Variants in DHODH observed in about 807,000 individuals in gnomAD.
DHODH encodes dihydroorotate dehydrogenase (quinone).
In DHODH, 30 loss-of-function variants were observed where a neutral mutation model predicts 39.7. The observed-to-expected ratio is 0.76, with a 90% CI of 0.57 to 1.02. DHODH has a LOEUF of 1.02. DHODH is among the 50% of genes least tolerant of loss of function. The probability of loss-of-function intolerance (pLI) is 0.00; values close to 1 mark genes in which losing one functional copy is unlikely to be tolerated. For missense variants in DHODH, 531 were observed against 520.8 expected (o/e 1.02, Z -0.19); for synonymous variants, 222 against 213.8 (o/e 1.04, Z -0.34).
Position 72,012,120 on chromosome 16 carries a change from C to T in DHODH, c.92C>T (p.Thr31Met), listed in dbSNP as rs755971761. ...GLLFASYLMATGDERFYAEHL... is the reference protein window; with the variant it reads ...GLLFASYLMAMGDERFYAEHL... ...CTCTTCGCCTCCTACCTGATGGCCA[C>T]GGGAGATGAGCGTTTCTATGCTGAA... Residue 31 changes from threonine to methionine, a missense_variant, in exon 2 of 9, where the codon ACG (threonine) becomes ATG (methionine). Coordinates refer to ENST00000219240, the MANE Select transcript of DHODH (RefSeq NM_001361.5). 1.4e-5 allele frequency: 22 copies of T among 1,614,026 alleles called. No homozygotes were observed. The highest frequency in any genetic ancestry group is 3.3e-5 in the Admixed American group (2 of 59,998).
At position 72,021,169 on chromosome 16, in the gene DHODH, TGGACGCCGC is replaced by T; in HGVS notation, c.567_575del (p.Asp189_Ala191del). ...AACTTGGGGAAGAACAAGACCTCAGTGGACGCCGCGGAGGACTACGCAGAAGGGGTGCGC... is the reference window on the plus strand; with the variant it reads ...AACTTGGGGAAGAACAAGACCTCAGTGGAGGACTACGCAGAAGGGGTGCGC... On this transcript the variant is annotated inframe_deletion, in exon 5 of 9. Transcript: ENST00000219240. 1 of 1,609,560 alleles carries T rather than the reference TGGACGCCGC, an allele frequency of 6.2e-7. No individual in the cohort carries two copies.
At chr16:72,014,744 G>A in intron 3 of DHODH, 72 bp downstream of exon 3, 1 of 1,463,428 alleles carries the variant, frequency 6.8e-7, no homozygotes, top group Non-Finnish European at 9.5e-7. Context: ...TATAAGATCT[G>A]CCTCTGTTTT....
chr16:72,017,660 T>G (rs772898820), intron 4 of DHODH, among the ~76,000 whole-genome samples: 2 of 151,902 alleles, frequency 1.3e-5, no homozygotes, highest in African/African-American at 4.8e-5. Context: ...ACCTGTAATC[T>G]CAATACTTTG....
At chr16:72,023,910 A>G (rs549710166) in intron 8 of DHODH, among the ~76,000 whole-genome samples, 2 of 152,304 alleles carry the variant, frequency 1.3e-5, no homozygotes, top group Admixed American at 6.5e-5. Context: ...CAGCATTCCC[A>G]TTAATTAAGC....
chr16:72,024,220 C>A lies in DHODH; in HGVS notation c.*21C>A. On this transcript the variant is annotated 3_prime_UTR_variant, in exon 9 of 9. Coordinates refer to ENST00000219240, the MANE Select transcript of DHODH (RefSeq NM_001361.5). ...GGTGAGGACAGCGTCTGACGGGAAG[C>A]CTGATCTGGAACCTTCCCAAGGACT... is the stretch of plus-strand genomic sequence containing the variant. 1 of 1,613,760 alleles carries A rather than the reference C, an allele frequency of 6.2e-7. No individual in the cohort carries two copies. Among genetic ancestry groups the A allele is most frequent in the Non-Finnish European group, 8.5e-7 (1 of 1,179,742 alleles).
chr16:72,011,555 A>G lies in DHODH; in HGVS notation c.22-495A>G, dbSNP rs934326090. On this transcript the variant is annotated intron_variant, in intron 1 of 8. Coordinates refer to ENST00000219240, the MANE Select transcript of DHODH (RefSeq NM_001361.5). ...GCTGAGGAGGGGAGGATTGCTTGAGACCAGGAGGTCAGGAAAGACAGTTTG... is the reference window on the plus strand; with the variant it reads ...GCTGAGGAGGGGAGGATTGCTTGAGGCCAGGAGGTCAGGAAAGACAGTTTG... 2.6e-5 allele frequency among the ~76,000 whole-genome samples: 4 copies of G among 152,164 alleles called. No individual in the cohort carries two copies. The East Asian group carries it at 5.8e-4, about 22-fold the overall frequency.
At chr16:72,014,714 C>T in intron 3 of DHODH, 42 bp downstream of exon 3, 1 of 1,589,996 alleles carries the variant, frequency 6.3e-7, no homozygotes, top group Non-Finnish European at 8.6e-7. Flanking sequence ...GCCCTCTTTC[C>T]AGCTGGGGGC....
chr16:72,021,118 T>A lies in DHODH; in HGVS notation c.518-6T>A. The A allele has an allele frequency of 6.2e-7, 1 of 1,602,018 alleles. No homozygotes were observed. The highest frequency in any genetic ancestry group is 8.5e-7 in the Non-Finnish European group (1 of 1,174,018). ...GGGGTGCAGGCCTGACCAGCGATGT[T>A]TGCAGATGGACTGCCTCTGGGGGTC... On this transcript the variant is annotated splice_region_variant and splice_polypyrimidine_tract_variant and intron_variant, in intron 4 of 8. Coordinates refer to ENST00000219240, the MANE Select transcript of DHODH (RefSeq NM_001361.5).
In DHODH at chr16:72,023,514, G is replaced by A; in HGVS notation, c.1014G>A (p.Gly338=). Reference sequence around the variant, plus strand: ...TTGGGGTTGGTGGTGTGAGCAGCGGGCAGGACGCGCTGGAGAAGATCCGGG... The same window carrying A: ...TTGGGGTTGGTGGTGTGAGCAGCGGACAGGACGCGCTGGAGAAGATCCGGG... ...PIIGVGGVSS[G]QDALEKIRAG... Residue 338 remains glycine (G), a synonymous_variant, in exon 8 of 9, where the codon GGG becomes GGA. Transcript: ENST00000219240. 1 of 1,614,140 alleles carries A rather than the reference G, an allele frequency of 6.2e-7. No individual in the cohort carries two copies. The highest frequency in any genetic ancestry group is 8.5e-7 in the Non-Finnish European group (1 of 1,180,032).
At chr16:72,013,062 G>A (rs1348827496) in intron 2 of DHODH, among the ~76,000 whole-genome samples, 1 of 152,214 alleles carries the variant, frequency 6.6e-6, no homozygotes, top group African/African-American at 2.4e-5. Flanking sequence ...AATGATGAGT[G>A]TGAAAATGCA....
chr16:72,013,129 C>T (rs2041102836), intron 2 of DHODH, among the ~76,000 whole-genome samples: 2 of 151,834 alleles, frequency 1.3e-5, no homozygotes, highest in African/African-American at 4.9e-5. Context: ...TTAAAGGGGC[C>T]TTCACCGCAT....
At chr16:72,012,623 C>T (rs190698760) in intron 2 of DHODH, among the ~76,000 whole-genome samples, 61 of 152,332 alleles carry the variant, frequency 4.0e-4, no homozygotes, top group Non-Finnish European at 7.1e-4. Context: ...CAGAGTCTGA[C>T]GCTGGCTTCC....
Position 72,023,282 on chromosome 16 carries a change from A to C in DHODH, c.937A>C (p.Thr313Pro). 6.2e-7 allele frequency: 1 copy of C among 1,614,124 alleles called. No homozygotes were observed. The highest frequency in any genetic ancestry group is 8.5e-7 in the Non-Finnish European group (1 of 1,180,028). ...TGGGAAGCCCCTCCGGGATTTATCAACTCAAACCATTCGGGAGATGTATGC... is the reference window on the plus strand; with the variant it reads ...TGGGAAGCCCCTCCGGGATTTATCACCTCAAACCATTCGGGAGATGTATGC... Reference protein sequence around the residue: ...LSGKPLRDLSTQTIREMYALT... With the variant: ...LSGKPLRDLSPQTIREMYALT... The change falls in exon 7 of 9, where the codon ACT (threonine) becomes CCT (proline). Residue 313 changes from threonine to proline, a missense_variant. By Grantham distance (38) the Thr-to-Pro change is conservative. Transcript: ENST00000219240.
chr16:72,010,871 G>A, intron 1 of DHODH, among the ~76,000 whole-genome samples: 1 of 152,100 alleles, frequency 6.6e-6, no homozygotes, highest in Non-Finnish European at 1.5e-5. Flanking sequence ...TGAGACCGCA[G>A]GCGCACCACC....
At chr16:72,019,100 C>T (rs566197020) in intron 4 of DHODH, among the ~76,000 whole-genome samples, 6 of 152,172 alleles carry the variant, frequency 3.9e-5, no homozygotes, top group Non-Finnish European at 7.3e-5. Context: ...AGATTATAGG[C>T]GCCCACCACC....
At chr16:72,022,212 A>G in intron 5 of DHODH, 150 bp from the exon 6 acceptor site, 1 of 662,690 alleles carries the variant, frequency 1.5e-6, no homozygotes, top group Non-Finnish European at 2.7e-6. Flanking sequence ...TGTACTCCTC[A>G]CGTCTGAGGG....
intron 4 of DHODH, chr16:72,020,365 A>ATT: frequency 1.4e-5 from 1 of 69,154 alleles, no homozygotes; most frequent in Admixed American, 1.3e-4. Context: ...GTGTATATAT[A>ATT]TATATATTTT....
rs2287998 is a variant in DHODH at position 72,025,370 on chromosome 16, T to C, written c.*1171T>C. 85,104 of 152,172 alleles carry C rather than the reference T, an allele frequency of 0.56. 24,134 individuals are homozygous for C. The highest frequency in any genetic ancestry group is 0.68 in the South Asian group (3,267 of 4,818). 9.4% of individuals were successfully genotyped at this position (152,172 alleles called of 1,614,324 possible). On this transcript the variant is annotated 3_prime_UTR_variant, in exon 9 of 9. Transcript: ENST00000219240. ...CACTGTTATCTGTTTAGTTACTTTA[T>C]GTTTTCATACAAATGACATCATCCC...
rs1567576051 is a variant in DHODH, at chr16:72,026,998, TGTGTGTGTGTG to T, written c.*2800_*2810del. 0.014 allele frequency: 1,365 copies of T among 100,146 alleles called. 40 individuals are homozygous for T. Among genetic ancestry groups the T allele is most frequent in the Middle Eastern group, 0.053 (9 of 170 alleles). The allele number at this position is 100,146 out of a possible 1,614,324, so 6.2% of individuals were successfully genotyped here. ...GTGTGTGTGTGTGTGTGTGTGTGTGTGTGTGTGTGTGTTTTTGAGATGGAGTCCTGCTCTGT... is the reference window on the plus strand; with the variant it reads ...GTGTGTGTGTGTGTGTGTGTGTGTGTTTTTTGAGATGGAGTCCTGCTCTGT... On this transcript the variant is annotated 3_prime_UTR_variant, in exon 9 of 9. Transcript: ENST00000219240.
Sources: allele counts gnomAD v4.1 joint callset (sites outside exome capture counted in the v4.1 genomes callset), GRCh38; gene constraint gnomAD v4.1.1; transcripts MANE v1.5; gene names NCBI Gene and HGNC (gene_info 2026-07-23, HGNC 2026-07-21).